ZNF594: variants seen among roughly 807,000 people sequenced by gnomAD.
ZNF594 encodes the protein zinc finger protein HZF18.
For missense variants in ZNF594, 1,037 were observed against 964.6 expected (o/e 1.08, Z -0.99); for synonymous variants, 336 against 309.4 (o/e 1.09, Z -0.90).
chr17:5,182,929 C>T lies in ZNF594; in HGVS notation c.1328G>A (p.Gly443Asp), dbSNP rs777614690. Residue 443 changes from glycine to aspartate, a missense_variant, in exon 2 of 2, where the codon GGC becomes GAC. Transcript: ENST00000575779. ...ATGGTGTCTAATAAGATCTGAGCTG[C>T]CCCTAAAAGATTTCCCACATTTGCT... ...VCSKCGKSFR[G>D]SSDLIRHHRV... The T allele has an allele frequency of 9.3e-6, 15 of 1,613,774 alleles. No homozygotes were observed. The highest frequency in any genetic ancestry group is 1.7e-6 in the Non-Finnish European group (2 of 1,179,972).
chr17:5,181,527 A>G lies in ZNF594; in HGVS notation c.*306T>C, dbSNP rs1451386508. On this transcript the variant is annotated 3_prime_UTR_variant, in exon 2 of 2. Coordinates refer to ENST00000575779, the MANE Select transcript of ZNF594 (RefSeq NM_032530.2). ...ATGTTTGAGGAAAGCTGTGTGCCAC[A>G]TGAAGAGTTTCCCACATTCCTTACA... The G allele has an allele frequency of 6.2e-7, 1 of 1,613,804 alleles. No individual in the cohort carries two copies. The highest frequency in any genetic ancestry group is 1.3e-5 in the African/African-American group (1 of 74,870).
intron 1 of ZNF594, among the ~76,000 whole-genome samples, chr17:5,187,812 A>G (rs1206180032): frequency 6.6e-6 from 1 of 151,766 alleles, no homozygotes; most frequent in East Asian, 1.9e-4. Context: ...TGCTGTTATT[A>G]TTACTATTAA....
chr17:5,188,750 C>CTTTT, intron 1 of ZNF594, among the ~76,000 whole-genome samples: 1 of 140,882 alleles, frequency 7.1e-6, no homozygotes, highest in Non-Finnish European at 1.5e-5. Context: ...AAAATTTTGA[C>CTTTT]TTTTTTTTTT....
rs2074370788 is a variant in ZNF594 at position 5,184,115 on chromosome 17, A to C, written c.142T>G (p.Trp48Gly). ...SNSEDRLLKHWVSPLKDAMRH... is the reference protein window; with the variant it reads ...SNSEDRLLKHGVSPLKDAMRH... ...ATTGCATCCTTTAAAGGGCTTACCC[A>C]GTGCTTCAATAATCTGTCCTCAGAA... The change falls in exon 2 of 2, where the codon TGG (tryptophan) becomes GGG (glycine). Residue 48 changes from tryptophan to glycine, a missense_variant. By Grantham distance (184) the Trp-to-Gly change is radical. Coordinates refer to ENST00000575779, the MANE Select transcript of ZNF594 (RefSeq NM_032530.2). The C allele has an allele frequency of 6.2e-7, 1 of 1,614,186 alleles. No homozygotes were observed. The highest frequency in any genetic ancestry group is 8.5e-7 in the Non-Finnish European group (1 of 1,180,030).
Position 5,182,822 on chromosome 17 carries a change from GGT to G in ZNF594, c.1433_1434del (p.His478ProfsTer14). ...GGCTTCTCTCCAGTATGGATTTTCT[GGT>G]GTGTAACAAGGTGTGACCTCTGGCT... ...AFSQRSHLVT[H>X]QKIHTGEKPY... On this transcript the variant is annotated frameshift_variant, in exon 2 of 2. Transcript: ENST00000575779. LOFTEE classifies it low-confidence loss of function (END_TRUNC). 1 of 1,613,994 alleles carries G rather than the reference GGT, an allele frequency of 6.2e-7. No individual in the cohort carries two copies. The highest frequency in any genetic ancestry group is 8.5e-7 in the Non-Finnish European group (1 of 1,180,006).
chr17:5,183,505 C>T lies in ZNF594; in HGVS notation c.752G>A (p.Ser251Asn), dbSNP rs778581691. 5.0e-6 allele frequency: 8 copies of T among 1,614,048 alleles called. No individual in the cohort carries two copies. The African/African-American group carries it at 9.3e-5, about 19-fold the overall frequency. The change falls in exon 2 of 2, where the codon AGC becomes AAC. Residue 251 changes from serine to asparagine, a missense_variant. Coordinates refer to ENST00000575779, the MANE Select transcript of ZNF594 (RefSeq NM_032530.2). ...CNKCGKAFSQ[S>N]TDLIIHHRIH... ...TCTGTGATGTATAATAAGATCTGTG[C>T]TTTGACTGAAAGCCTTCCCACATTT...
At chr17:5,184,390 A>C in intron 1 of ZNF594, 114 bp from the exon 2 acceptor site, 4 of 1,038,958 alleles carry the variant, frequency 3.9e-6, no homozygotes, top group Non-Finnish European at 5.4e-6. Context: ...TTCCCTGCCA[A>C]AGCTGAGATG....
downstream of ZNF594, chr17:5,179,490 C>A: frequency 6.4e-6 from 1 of 156,272 alleles, no homozygotes. Flanking sequence ...CTTTCTTCAG[C>A]CCCATCTAAT....
At chr17:5,184,431 C>T (rs2074373170) in intron 1 of ZNF594, 155 bp from the exon 2 acceptor site, 1 of 757,496 alleles carries the variant, frequency 1.3e-6, no homozygotes, top group African/African-American at 1.8e-5. Context: ...GTGGCTAACA[C>T]AGGAACCTGT....
At chr17:5,188,817 G>A (rs1455717412) in intron 1 of ZNF594, among the ~76,000 whole-genome samples, 4 of 148,462 alleles carry the variant, frequency 2.7e-5, no homozygotes, top group Non-Finnish European at 1.5e-5. Context: ...GCGCGATCTC[G>A]GCTCACTGCA....
At chr17:5,187,117 C>T (rs2074390823) in intron 1 of ZNF594, among the ~76,000 whole-genome samples, 1 of 152,182 alleles carries the variant, frequency 6.6e-6, no homozygotes, top group Admixed American at 6.5e-5. Flanking sequence ...TTTCATGCTG[C>T]TGATGAAGAC....
Position 5,182,331 on chromosome 17 carries a change from G to C in ZNF594, c.1926C>G (p.His642Gln). 4.3e-6 allele frequency: 7 copies of C among 1,613,340 alleles called. No individual in the cohort carries two copies. The highest frequency in any genetic ancestry group is 5.9e-6 in the Non-Finnish European group (7 of 1,179,932). ...GTTTCTCTCCAGTATGAATACGATG[G>C]TGTTTAATAAGATCTGAGCTACCCC... ...SFRGSSDLIK[H>Q]HRIHTGEKPY... The change falls in exon 2 of 2, where the codon CAC becomes CAG. Residue 642 changes from histidine (H) to glutamine (Q), a missense_variant. Coordinates refer to ENST00000575779, the MANE Select transcript of ZNF594 (RefSeq NM_032530.2).
At position 5,183,465 on chromosome 17, in the gene ZNF594, C is replaced by CT; in HGVS notation, c.791dup (p.Lys265GlufsTer4). 1 of 1,614,046 alleles carries CT rather than the reference C, an allele frequency of 6.2e-7. No homozygotes were observed. ...CACAGTCATAACATTCATAGGGTTT[C>CT]TCTCCAGTGTGAATTCTGTGATGTA... On this transcript the variant is annotated frameshift_variant, in exon 2 of 2. Coordinates refer to ENST00000575779, the MANE Select transcript of ZNF594 (RefSeq NM_032530.2). LOFTEE classifies it low-confidence loss of function (END_TRUNC).
chr17:5,183,698 C>G lies in ZNF594; in HGVS notation c.559G>C (p.Glu187Gln). The change falls in exon 2 of 2, where the codon GAA becomes CAA. Residue 187 changes from glutamate to glutamine, a missense_variant. Coordinates refer to ENST00000575779, the MANE Select transcript of ZNF594 (RefSeq NM_032530.2). ...HTGKKPYICH[E>Q]CGKDFNQSSN... Reference sequence around the variant, plus strand: ...CTCTGATTGAAGTCTTTTCCACATTCATGACATATATAAGGTTTCTTTCCT... The same window carrying G: ...CTCTGATTGAAGTCTTTTCCACATTGATGACATATATAAGGTTTCTTTCCT... The G allele has an allele frequency of 1.2e-6, 2 of 1,614,142 alleles. No homozygotes were observed. The highest frequency in any genetic ancestry group is 1.7e-6 in the Non-Finnish European group (2 of 1,180,046).
intron 1 of ZNF594, among the ~76,000 whole-genome samples, chr17:5,185,448 T>G (rs2074380143): frequency 6.6e-6 from 1 of 152,110 alleles, no homozygotes; most frequent in Admixed American, 6.5e-5. Flanking sequence ...ACCATATCCC[T>G]CCCACAAAAC....
Position 5,182,009 on chromosome 17 carries a change from T to C in ZNF594, c.2248A>G (p.Lys750Glu), listed in dbSNP as rs762576018. 5.7e-5 allele frequency: 92 copies of C among 1,613,124 alleles called. No individual in the cohort carries two copies. Among genetic ancestry groups the C allele is most frequent in the Non-Finnish European group, 7.5e-5 (88 of 1,179,898 alleles). Residue 750 changes from lysine (K) to glutamate (E), a missense_variant, in exon 2 of 2, where the codon AAA (lysine) becomes GAA (glutamate). By Grantham distance (56) the Lys-to-Glu change is moderately conservative (BLOSUM62 1). Coordinates refer to ENST00000575779, the MANE Select transcript of ZNF594 (RefSeq NM_032530.2). Reference protein sequence around the residue: ...KTFSKDEELRKEQRTHQEKKV... With the variant: ...KTFSKDEELREEQRTHQEKKV... ...TTTTCCTGGTGAGTTCTCTGCTCTTTTCTAAGCTCCTCATCCTTGCTGAAG... is the reference window on the plus strand; with the variant it reads ...TTTTCCTGGTGAGTTCTCTGCTCTTCTCTAAGCTCCTCATCCTTGCTGAAG...
rs1303757925 is a variant in ZNF594, at chr17:5,182,797, G to T, written c.1460C>A (p.Pro487His). 6.2e-7 allele frequency: 1 copy of T among 1,613,972 alleles called. No individual in the cohort carries two copies. The highest frequency in any genetic ancestry group is 1.1e-5 in the South Asian group (1 of 91,068). ...TTTCCCACATTCAGTGCACTGATAG[G>T]GCTTCTCTCCAGTATGGATTTTCTG... is the stretch of plus-strand genomic sequence containing the variant. Reference protein sequence around the residue: ...THQKIHTGEKPYQCTECGKAF... With the variant: ...THQKIHTGEKHYQCTECGKAF... Residue 487 changes from proline to histidine, a missense_variant, in exon 2 of 2, where the codon CCC becomes CAC. Physicochemically the swap from Pro to His is moderately conservative, Grantham distance 77 (BLOSUM62 -2). Coordinates refer to ENST00000575779, the MANE Select transcript of ZNF594 (RefSeq NM_032530.2).
At position 5,184,029 on chromosome 17, in the gene ZNF594, G is replaced by A. The variant is rs747450875; in HGVS notation, c.228C>T (p.Ala76=). The change falls in exon 2 of 2, where the codon GCC becomes GCT. Residue 76 remains alanine, a synonymous_variant. Transcript: ENST00000575779. ...ATCCATGGCCAATCTCTCCCACAATGGCTTTCTGGGGGATAATATGCATTT... is the reference window on the plus strand; with the variant it reads ...ATCCATGGCCAATCTCTCCCACAATAGCTTTCTGGGGGATAATATGCATTT... ...IREMHIIPQK[A]IVGEIGHGCN... The A allele has an allele frequency of 5.9e-5, 96 of 1,613,990 alleles. No individual in the cohort carries two copies. The highest frequency in any genetic ancestry group is 7.7e-5 in the Non-Finnish European group (91 of 1,180,018).
chr17:5,183,550 C>A lies in ZNF594; in HGVS notation c.707G>T (p.Gly236Val). 1 of 1,614,126 alleles carries A rather than the reference C, an allele frequency of 6.2e-7. No individual in the cohort carries two copies. The change falls in exon 2 of 2, where the codon GGG becomes GTG. Residue 236 changes from glycine to valine, a missense_variant. Transcript: ENST00000575779. The part of the protein sequence containing the change: ...LVLHQRIHSR[G>V]KPYLCNKCGK... ...ACATTTATTGCATAAATATGGCTTCCCCCTACTGTGGATTCTCTGGTGCAG... is the reference window on the plus strand; with the variant it reads ...ACATTTATTGCATAAATATGGCTTCACCCTACTGTGGATTCTCTGGTGCAG...
Sources: allele counts gnomAD v4.1 joint callset (sites outside exome capture counted in the v4.1 genomes callset), GRCh38; gene constraint gnomAD v4.1.1; transcripts MANE v1.5; gene names NCBI Gene and HGNC (gene_info 2026-07-23, HGNC 2026-07-21).